Variants in TRPS1 observed in about 807,000 individuals in gnomAD.
The protein encoded by TRPS1 is transcriptional repressor GATA binding 1.
TRPS1 carries 6 observed loss-of-function variants against 101.2 expected under a neutral mutation model. That is an observed-to-expected ratio of 0.06 (90% confidence interval 0.03 to 0.12). TRPS1 has a LOEUF of 0.12. Ranked by LOEUF, TRPS1 falls within the 10% of genes least tolerant of loss-of-function variation. The pLI, the probability that TRPS1 is intolerant of heterozygous loss-of-function variation, is 1.00. For synonymous variants in TRPS1, 578 were observed against 589.8 expected, an observed-to-expected ratio of 0.98 and a Z score of 0.29; for missense variants, 1,363 against 1,567.0, an observed-to-expected ratio of 0.87 and a Z score of 2.20.
chr8:115,603,837 T>G (rs368579520), intron 4 of TRPS1, 36 bp downstream of exon 4: 2 of 1,611,096 alleles, frequency 1.2e-6, no homozygotes, highest in African/African-American at 2.7e-5. Context: ...TTATTTTATT[T>G]GTATATTCCT....
chr8:115,639,684 C>T (rs1482015877), intron 1 of TRPS1, among the ~76,000 whole-genome samples: 4 of 149,036 alleles, frequency 2.7e-5, no homozygotes, highest in Non-Finnish European at 5.9e-5. Context: ...AAAAAATTAA[C>T]CAGGCGTGGT....
chr8:115,576,381 C>T (rs182780111), intron 5 of TRPS1, among the ~76,000 whole-genome samples: 24 of 152,012 alleles, frequency 1.6e-4, no homozygotes, highest in African/African-American at 3.9e-4. Context: ...AAAGTTGCCT[C>T]GGGTATCAAT....
chr8:115,569,650 T>C (rs575833808), intron 5 of TRPS1, among the ~76,000 whole-genome samples: 10 of 152,254 alleles, frequency 6.6e-5, no homozygotes, highest in African/African-American at 2.4e-4. Context: ...CTGGGCTATA[T>C]GCCTTTGCTT....
chr8:115,620,413 T>C (rs928668698), intron 2 of TRPS1, among the ~76,000 whole-genome samples: 2 of 152,092 alleles, frequency 1.3e-5, no homozygotes, highest in East Asian at 1.9e-4. Context: ...ACAATATATA[T>C]GCATGCTTAT....
chr8:115,433,261 CTT>C (rs1361184619), intron 5 of TRPS1, among the ~76,000 whole-genome samples: 1 of 151,654 alleles, frequency 6.6e-6, no homozygotes, highest in Non-Finnish European at 1.5e-5. Context: ...TAGTAAGGCC[CTT>C]TCCAGGTTTT....
At chr8:115,510,158 A>C (rs919626822) in intron 5 of TRPS1, among the ~76,000 whole-genome samples, 9 of 151,978 alleles carry the variant, frequency 5.9e-5, no homozygotes, top group Non-Finnish European at 7.4e-5. Flanking sequence ...TACCCAGTAC[A>C]TCCCACTTAT....
chr8:115,536,744 T>TA (rs1209530689), intron 5 of TRPS1, among the ~76,000 whole-genome samples: 1 of 151,730 alleles, frequency 6.6e-6, no homozygotes, highest in Non-Finnish European at 1.5e-5. Flanking sequence ...CATTTTATCC[T>TA]AATGTTTAGG....
At chr8:115,623,358 A>C (rs1415525965) in intron 2 of TRPS1, among the ~76,000 whole-genome samples, 1 of 152,088 alleles carries the variant, frequency 6.6e-6, no homozygotes, top group African/African-American at 2.4e-5. Context: ...GCTATAGAAG[A>C]AATAATTTTA....
intron 4 of TRPS1, among the ~76,000 whole-genome samples, chr8:115,602,206 T>C (rs1817924213): frequency 6.6e-6 from 1 of 152,108 alleles, no homozygotes; most frequent in African/African-American, 2.4e-5. Flanking sequence ...GTGTGTGTTC[T>C]GGCTGGTTTC....
intron 1 of TRPS1, among the ~76,000 whole-genome samples, chr8:115,651,628 G>C (rs567729224): frequency 1.1e-3 from 161 of 152,328 alleles, no homozygotes; most frequent in African/African-American, 3.7e-3. Flanking sequence ...GTAGCTTCTG[G>C]TATGAGCTAT....
At position 115,619,710 on chromosome 8, in the gene TRPS1, C is replaced by G. The variant is rs1410363433; in HGVS notation, c.388G>C (p.Ala130Pro). 7.4e-6 allele frequency: 12 copies of G among 1,614,082 alleles called. No homozygotes were observed. The highest frequency in any genetic ancestry group is 3.3e-4 in the Middle Eastern group (2 of 6,084). ...AAGGGCTCACAGACTCCCCCAGCAGCTGGAGATGAGAAAGCCAACATATTT... is the reference window on the plus strand; with the variant it reads ...AAGGGCTCACAGACTCCCCCAGCAGGTGGAGATGAGAAAGCCAACATATTT... ...DRNMLAFSSP[A>P]AGGVCEPLKS... is the part of the protein sequence containing the mutation. The change falls in exon 3 of 7, where the codon GCT (alanine) becomes CCT (proline). Residue 130 changes from alanine (A) to proline (P), a missense_variant. Around this residue, in one of 5 missense-constraint regions of TRPS1, gnomAD observed 1,020 missense variants for 1,073.0 expected, o/e 0.95. Transcript: ENST00000395715.
chr8:115,614,903 A>T (rs745775577), intron 3 of TRPS1, among the ~76,000 whole-genome samples: 11 of 152,214 alleles, frequency 7.2e-5, no homozygotes, highest in Admixed American at 1.3e-4. Context: ...TGCTCAAACG[A>T]TTGTACTGAT....
chr8:115,567,992 T>C (rs1286879939), intron 5 of TRPS1, among the ~76,000 whole-genome samples: 1 of 152,140 alleles, frequency 6.6e-6, no homozygotes, highest in Non-Finnish European at 1.5e-5. Flanking sequence ...TTGGGGCAAC[T>C]TACTTAACTT....
In TRPS1 at chr8:115,668,523, C is replaced by G. The variant is rs914396327; in HGVS notation, c.-122+22G>C. 54 of 146,566 alleles carry G rather than the reference C, an allele frequency of 3.7e-4. No individual in the cohort carries two copies. In the South Asian group the frequency reaches 6.8e-3, roughly 18 times the overall value. 9.1% of individuals were successfully genotyped at this position (146,566 alleles called of 1,614,324 possible). A position where few individuals can be genotyped will look rare whatever the true frequency, so the allele number is the denominator to read the frequency against. On this transcript the variant is annotated intron_variant, in intron 1 of 6. Transcript: ENST00000395715. Reference sequence around the variant, plus strand: ...CCCCGCAGCCCCCGGCCCCGCGGCCCGCTCGGGCCTCCCCTCCTTACCTGT... The same window carrying G: ...CCCCGCAGCCCCCGGCCCCGCGGCCGGCTCGGGCCTCCCCTCCTTACCTGT...
chr8:115,444,627 C>A (rs1394376014), intron 5 of TRPS1, among the ~76,000 whole-genome samples: 1 of 152,128 alleles, frequency 6.6e-6, no homozygotes, highest in Non-Finnish European at 1.5e-5. Context: ...AAAGAGCACC[C>A]TTTTTTGGGG....
chr8:115,557,138 G>C (rs1056425441), intron 5 of TRPS1, among the ~76,000 whole-genome samples: 9 of 152,042 alleles, frequency 5.9e-5, no homozygotes, highest in Non-Finnish European at 1.0e-4. Context: ...ACCTGATCTC[G>C]TGAGACTTAC....
At chr8:115,601,498 T>C (rs1222248367) in intron 4 of TRPS1, among the ~76,000 whole-genome samples, 1 of 148,494 alleles carries the variant, frequency 6.7e-6, no homozygotes. Context: ...GCTCCAAATT[T>C]CAAATATCTC....
chr8:115,495,419 T>C (rs527597044), intron 5 of TRPS1, among the ~76,000 whole-genome samples: 42 of 151,344 alleles, frequency 2.8e-4, no homozygotes, highest in Middle Eastern at 3.5e-3. Flanking sequence ...ATAGATCTTA[T>C]GTCAGAAAAG....
chr8:115,553,468 GAA>G (rs1355807793), intron 5 of TRPS1, among the ~76,000 whole-genome samples: 1 of 152,102 alleles, frequency 6.6e-6, no homozygotes, highest in Non-Finnish European at 1.5e-5. Flanking sequence ...ATACTAACAT[GAA>G]GTTTAGGCTG....
Sources: allele counts gnomAD v4.1 joint callset (sites outside exome capture counted in the v4.1 genomes callset), GRCh38; gene constraint gnomAD v4.1.1; regional missense constraint gnomAD v4.1.1; transcripts MANE v1.5; gene names NCBI Gene and HGNC (gene_info 2026-07-23, HGNC 2026-07-21).